The following STK3 variants were observed in gnomAD, a reference collection of about 807,000 sequenced individuals.
STK3 encodes the protein serine/threonine-protein kinase 3.
A neutral mutation model predicts 58.0 loss-of-function variants in STK3; 41 were observed. That is an observed-to-expected ratio of 0.71 (90% CI 0.55 to 0.92). STK3 has a LOEUF of 0.92. STK3 is among the 40% of genes least tolerant of loss of function. The pLI, the probability that STK3 is intolerant of heterozygous loss-of-function variation, is 0.00. For missense variants in STK3, 479 were observed against 602.7 expected (o/e 0.79, Z 2.15); for synonymous variants, 170 against 191.0 (o/e 0.89, Z 0.91).
intron 4 of STK3, among the ~76,000 whole-genome samples, chr8:98,748,548 G>A (rs886296975): frequency 3.4e-4 from 51 of 152,042 alleles, no homozygotes; most frequent in African/African-American, 1.2e-3. Flanking sequence ...AAACATGGCT[G>A]ACAACATATA....
chr8:98,869,459 T>C lies in STK3; in HGVS notation c.110+14188A>G, dbSNP rs180887540. Among the ~76,000 whole-genome samples the C allele has an allele frequency of 4.5e-4, 68 of 152,220 alleles. 1 individual carries two copies. The highest frequency in any genetic ancestry group is 4.3e-3 in the Admixed American group (66 of 15,292). On this transcript the variant is annotated intron_variant, in intron 3 of 12. Coordinates refer to the STK3 transcript ENST00000523601. The stretch of plus-strand genomic sequence containing the variant: ...ATAAAATAAAATAATAAAGAATCTC[T>C]AGATGTAATCATCCTGAATAATATG...
At chr8:98,896,138 T>G (rs938390713) in intron 1 of STK3, among the ~76,000 whole-genome samples, 1 of 152,134 alleles carries the variant, frequency 6.6e-6, no homozygotes, top group Non-Finnish European at 1.5e-5. Flanking sequence ...ACTGCCTTCA[T>G]CCTAAAACAG....
rs78570199 is a variant in STK3 at position 98,933,039 on chromosome 8, G to A, written c.-79+9339C>T. On this transcript the variant is annotated intron_variant, in intron 1 of 1. Coordinates refer to the STK3 transcript ENST00000519420. The stretch of plus-strand genomic sequence containing the variant: ...TAAAATGAGAGACCTGGGTTATATC[G>A]TCTCTAAACTACATTCCATGATCCT... 4.9e-3 allele frequency among the ~76,000 whole-genome samples: 739 copies of A among 152,188 alleles called. 4 individuals are homozygous for A. Among genetic ancestry groups the A allele is most frequent in the Admixed American group, 9.2e-3 (140 of 15,282 alleles).
At chr8:98,453,090 T>G (rs1447902488), downstream of STK3, among the ~76,000 whole-genome samples, 2 of 79,450 alleles carry the variant, frequency 2.5e-5, no homozygotes, top group Admixed American at 1.5e-4. Flanking sequence ...GTTTTTTTTT[T>G]TTTTTTTTTT....
At chr8:98,905,175 TAGC>T (rs1838842813) in intron 1 of STK3, 1 of 1,146,522 alleles carries the variant, frequency 8.7e-7, no homozygotes, top group African/African-American at 1.5e-5. Context: ...CTTACACTGA[TAGC>T]AGCCACACTG....
intron 3 of STK3, among the ~76,000 whole-genome samples, chr8:98,835,126 T>C (rs1158758297): frequency 6.6e-6 from 1 of 152,220 alleles, no homozygotes; most frequent in Non-Finnish European, 1.5e-5. Context: ...TGAAGTTCCA[T>C]ACTCATGACT....
At chr8:98,689,424 A>G (rs1240854965) in intron 6 of STK3, among the ~76,000 whole-genome samples, 3 of 152,136 alleles carry the variant, frequency 2.0e-5, no homozygotes, top group Non-Finnish European at 4.4e-5. Flanking sequence ...AGACATAACA[A>G]AAAAAGAAAA....
At chr8:98,874,522 A>G (rs1052933732) in intron 3 of STK3, among the ~76,000 whole-genome samples, 3 of 152,172 alleles carry the variant, frequency 2.0e-5, no homozygotes, top group African/African-American at 7.2e-5. Flanking sequence ...GCCAACTCAA[A>G]TGGATAGTCT....
downstream of STK3, among the ~76,000 whole-genome samples, chr8:98,450,244 C>T (rs1458100714): frequency 3.9e-5 from 6 of 152,156 alleles, 1 homozygote; most frequent in South Asian, 6.2e-4. Context: ...AATTCACTTT[C>T]GAAGTAACAA....
intron 6 of STK3, among the ~76,000 whole-genome samples, chr8:98,600,323 A>G (rs182791832): frequency 2.0e-5 from 3 of 152,132 alleles, no homozygotes; most frequent in South Asian, 4.1e-4. Flanking sequence ...CTATTTAACT[A>G]CTCTATGCCT....
chr8:98,404,412 GGCTCACGCCT>G (rs1315153064), intron 3 of STK3, among the ~76,000 whole-genome samples: 1 of 152,142 alleles, frequency 6.6e-6, no homozygotes. Context: ...TGGGTGTGGT[GGCTCACGCCT>G]GTAACCCCAG....
At chr8:98,505,895 G>A (rs191114672) in intron 10 of STK3, among the ~76,000 whole-genome samples, 2 of 152,284 alleles carry the variant, frequency 1.3e-5, no homozygotes, top group Admixed American at 6.5e-5. Context: ...CTCAGAGCTC[G>A]AACACCATGC....
intron 4 of STK3, among the ~76,000 whole-genome samples, chr8:98,712,820 A>G (rs1489215981): frequency 2.0e-5 from 3 of 152,218 alleles, no homozygotes; most frequent in Non-Finnish European, 2.9e-5. Context: ...CCCCAAATCA[A>G]CAGAATATAC....
At chr8:98,924,991 G>A (rs528005791) in intron 1 of STK3, among the ~76,000 whole-genome samples, 2 of 152,124 alleles carry the variant, frequency 1.3e-5, no homozygotes, top group Non-Finnish European at 2.9e-5. Context: ...AGGGACAAAG[G>A]AGAAAACTAC....
chr8:98,648,897 A>T (rs1820633391), intron 6 of STK3, among the ~76,000 whole-genome samples: 1 of 151,884 alleles, frequency 6.6e-6, no homozygotes, highest in African/African-American at 2.4e-5. Flanking sequence ...TCTCAAAAAA[A>T]AAAAAAAAAT....
chr8:98,827,759 A>G (rs757213888), upstream of STK3, among the ~76,000 whole-genome samples: 2 of 152,110 alleles, frequency 1.3e-5, no homozygotes, highest in South Asian at 2.1e-4. Context: ...GGCTCAAGCA[A>G]TCTTCCCACC....
chr8:98,480,826 T>C (rs1197386935), intron 10 of STK3, among the ~76,000 whole-genome samples: 1 of 152,250 alleles, frequency 6.6e-6, no homozygotes, highest in Non-Finnish European at 1.5e-5. Flanking sequence ...TTTCAGGCTA[T>C]GCTCTTGCCT....
upstream of STK3, among the ~76,000 whole-genome samples, chr8:98,391,892 TG>T (rs998363663): frequency 3.8e-4 from 58 of 152,340 alleles, 1 homozygote; most frequent in African/African-American, 1.2e-3. Context: ...GGTAGTTTCC[TG>T]ATGAATTTCT....
chr8:98,464,516 G>A (rs537920597), intron 10 of STK3, among the ~76,000 whole-genome samples: 1 of 121,764 alleles, frequency 8.2e-6, no homozygotes, highest in East Asian at 2.3e-4. Context: ...CTGAGCCACA[G>A]GGATAACAGG....
Sources: gnomAD v4.1 joint callset for allele counts (sites outside exome capture counted in the v4.1 genomes callset) on GRCh38, gnomAD v4.1.1 for gene constraint, MANE v1.5 for transcripts, NCBI Gene and HGNC (gene_info 2026-07-23, HGNC 2026-07-21) for gene names.